Variants in KDM5B observed in about 807,000 individuals in gnomAD.
KDM5B encodes lysine-specific demethylase 5B.
In KDM5B, 144 loss-of-function variants were observed where a neutral mutation model predicts 193.4. The observed-to-expected ratio is 0.74, with a 90% CI of 0.65 to 0.86. KDM5B has a LOEUF of 0.86. Ranked by LOEUF, KDM5B falls within the 40% of genes least tolerant of loss-of-function variation. The pLI is 0.00. For synonymous variants in KDM5B, 668 were observed against 682.6 expected (o/e 0.98, Z 0.33); for missense variants, 1,833 against 1,886.9 (o/e 0.97, Z 0.53).
At chr1:202,789,916 C>T (rs1487092813) in intron 1 of KDM5B, among the ~76,000 whole-genome samples, 1 of 151,982 alleles carries the variant, frequency 6.6e-6, no homozygotes, top group Admixed American at 6.6e-5. Context: ...AAACACAAGA[C>T]CTCATCTCTA....
At chr1:202,794,343 G>C (rs912903667) in intron 1 of KDM5B, among the ~76,000 whole-genome samples, 6 of 152,212 alleles carry the variant, frequency 3.9e-5, no homozygotes, top group Non-Finnish European at 5.9e-5. Context: ...GATTAGAGTA[G>C]TATTAAAATG....
At chr1:202,799,657 C>A (rs1185905159) in intron 1 of KDM5B, among the ~76,000 whole-genome samples, 66 of 139,042 alleles carry the variant, frequency 4.7e-4, no homozygotes, top group Admixed American at 5.0e-4. Context: ...AACTCCATCT[C>A]AAAAAAAAAA....
chr1:202,743,703 ATC>A (rs1406643593), intron 16 of KDM5B, among the ~76,000 whole-genome samples: 1 of 152,234 alleles, frequency 6.6e-6, no homozygotes, highest in Non-Finnish European at 1.5e-5. Context: ...ACCTACAACT[ATC>A]TGATCTTCAA....
intron 20 of KDM5B, among the ~76,000 whole-genome samples, chr1:202,740,318 G>A (rs1461840461): frequency 3.8e-5 from 5 of 132,958 alleles, no homozygotes; most frequent in East Asian, 4.8e-4. Context: ...GGGCAGAGGC[G>A]CCCCTCACCT....
intron 1 of KDM5B, among the ~76,000 whole-genome samples, chr1:202,798,211 AG>A (rs1657927097): frequency 6.6e-6 from 1 of 152,014 alleles, no homozygotes; most frequent in South Asian, 2.1e-4. Context: ...AAAAAAATAA[AG>A]ATTCAGGGAC....
intron 1 of KDM5B, among the ~76,000 whole-genome samples, chr1:202,802,456 G>T (rs1193562412): frequency 1.3e-5 from 2 of 152,090 alleles, no homozygotes; most frequent in Non-Finnish European, 2.9e-5. Flanking sequence ...GCAATGGAGT[G>T]ATCTCGGCTC....
intron 5 of KDM5B, among the ~76,000 whole-genome samples, chr1:202,764,736 T>TG (rs561764827): frequency 2.2e-3 from 329 of 152,298 alleles, no homozygotes; most frequent in Admixed American, 3.5e-3. Context: ...CCCAGCATTT[T>TG]GGGGGGGCCA....
Position 202,801,624 on chromosome 1 carries a change from T to TTTATTTACAA in KDM5B, c.204+6477_204+6478insTTGTAAATAA, listed in dbSNP as rs1553364578. 1.7e-4 allele frequency among the ~76,000 whole-genome samples: 8 copies of TTTATTTACAA among 46,332 alleles called. No individual in the cohort carries two copies. In the East Asian group the frequency reaches 5.6e-3, roughly 33 times the overall value. The allele number at this position is 46,332 out of a possible 152,430, so 30.4% of individuals were successfully genotyped here. On this transcript the variant is annotated intron_variant, in intron 1 of 26. Coordinates refer to ENST00000367265, the MANE Select transcript of KDM5B (RefSeq NM_006618.5). ...GTGTACAATTTAATTTTTCATTTAA[T>TTTATTTACAA]TTTTATTTACAATTTTCATTTAATT...
intron 21 of KDM5B, 119 bp downstream of exon 21, chr1:202,736,094 G>T: frequency 1.4e-6 from 1 of 703,432 alleles, no homozygotes. Context: ...TGGCTTTACG[G>T]GAAGAACAAC....
At chr1:202,754,710 T>G (rs1655939612) in intron 11 of KDM5B, among the ~76,000 whole-genome samples, 1 of 152,208 alleles carries the variant, frequency 6.6e-6, no homozygotes. Flanking sequence ...TGAGGCAGAG[T>G]TTCGCTCTGT....
rs374839807 is a variant in KDM5B at position 202,729,842 on chromosome 1, C to T, written c.4362G>A (p.Glu1454=). ...CAGAACGAACTAATTCATAGCTACG[C>T]TCTCTCTCTAACTTGAAATTGTTCA... ...KDMNNFKLER[E]RSYELVRSAE... The change falls in exon 26 of 27, where the codon GAG becomes GAA. Residue 1454 remains glutamate, a synonymous_variant. Coordinates refer to ENST00000367265, the MANE Select transcript of KDM5B (RefSeq NM_006618.5). 79 of 1,614,002 alleles carry T rather than the reference C, an allele frequency of 4.9e-5. No homozygotes were observed. Among genetic ancestry groups the T allele is most frequent in the Middle Eastern group, 3.3e-4 (2 of 6,084 alleles).
intron 16 of KDM5B, among the ~76,000 whole-genome samples, chr1:202,743,313 G>C (rs1215779265): frequency 1.7e-5 from 2 of 114,314 alleles, no homozygotes; most frequent in Non-Finnish European, 3.3e-5. Context: ...CTCCAGTTGA[G>C]ATGACAGAGC....
Position 202,726,915 on chromosome 1 carries a change from C to G in KDM5B, c.*2121G>C, listed in dbSNP as rs753749296. ...TGTAGCTTTGGGCAACTGACATTCT[C>G]TTTAAATTCAGCATCATCACACATA... On this transcript the variant is annotated 3_prime_UTR_variant, in exon 27 of 27. Coordinates refer to ENST00000367265, the MANE Select transcript of KDM5B (RefSeq NM_006618.5). 3.3e-5 allele frequency: 5 copies of G among 152,218 alleles called. No homozygotes were observed. 9.4% of individuals were successfully genotyped at this position (152,218 alleles called of 1,614,324 possible).
intron 8 of KDM5B, among the ~76,000 whole-genome samples, chr1:202,759,834 C>A (rs912952064): frequency 6.6e-6 from 1 of 152,018 alleles, no homozygotes; most frequent in African/African-American, 2.4e-5. Context: ...TTTAATAATT[C>A]TTGCAAAGAG....
intron 1 of KDM5B, among the ~76,000 whole-genome samples, chr1:202,788,559 T>TGTATTG (rs71142560): frequency 0.05 from 7,627 of 151,280 alleles, 327 homozygotes; most frequent in African/African-American, 0.11. Context: ...TGATCTGTAT[T>TGTATTG]GTATTGGTAT....
At position 202,755,394 on chromosome 1, in the gene KDM5B, A is replaced by G; in HGVS notation, c.1415T>C (p.Leu472Pro). Residue 472 changes from leucine to proline, a missense_variant, in exon 11 of 27, where the codon CTT becomes CCT. Around this residue, in one of 3 missense-constraint regions of KDM5B, gnomAD observed 1,379 missense variants for 1,349.6 expected, o/e 1.02. Transcript: ENST00000367265. ...NNMPVMEQSV[L>P]AHITADICGM... ...ACATATATCAGCAGTAATATGTGCAAGGACAGACTGCTCCATCACTGGCAT... is the reference window on the plus strand; with the variant it reads ...ACATATATCAGCAGTAATATGTGCAGGGACAGACTGCTCCATCACTGGCAT... 1 of 1,614,036 alleles carries G rather than the reference A, an allele frequency of 6.2e-7. No homozygotes were observed.
At chr1:202,746,083 G>A (rs964731774) in intron 15 of KDM5B, 59 bp downstream of exon 15, 1 of 1,576,476 alleles carries the variant, frequency 6.3e-7, no homozygotes, top group Non-Finnish European at 8.7e-7. Flanking sequence ...CGGTATCATT[G>A]AGCTTTTAGT....
Position 202,724,564 on chromosome 1 carries a change from T to C in KDM5B, c.*4472A>G, listed in dbSNP as rs909148233. On this transcript the variant is annotated 3_prime_UTR_variant, in exon 27 of 27. Transcript: ENST00000367265. Reference sequence around the variant, plus strand: ...AGCTCACATCATAGATAATGCATTATGGCTATTATGAATGAAGGCCCTCAT... The same window carrying C: ...AGCTCACATCATAGATAATGCATTACGGCTATTATGAATGAAGGCCCTCAT... 1 of 152,268 alleles carries C rather than the reference T, an allele frequency of 6.6e-6. No homozygotes were observed. Among genetic ancestry groups the C allele is most frequent in the Non-Finnish European group, 1.5e-5 (1 of 68,042 alleles). 9.4% of individuals were successfully genotyped at this position (152,268 alleles called of 1,614,324 possible). A position where few individuals can be genotyped will look rare whatever the true frequency, so the allele number is the denominator to read the frequency against.
chr1:202,741,723 C>CT lies in KDM5B; in HGVS notation c.2590-2dup. Reference sequence around the variant, plus strand: ...AATCTTCTACACGATTCAAGAGATCCTAAAAAAAAATACACAGGTTGTTGC... The same window carrying CT: ...AATCTTCTACACGATTCAAGAGATCCTTAAAAAAAAATACACAGGTTGTTGC... On this transcript the variant is annotated splice_acceptor_variant, in intron 18 of 26. Transcript: ENST00000367265. LOFTEE classifies it high-confidence loss of function. 2 of 1,555,200 alleles carry CT rather than the reference C, an allele frequency of 1.3e-6. No homozygotes were observed. The highest frequency in any genetic ancestry group is 1.2e-5 in the South Asian group (1 of 86,442).
Sources: gnomAD v4.1 joint callset for allele counts (sites outside exome capture counted in the v4.1 genomes callset) on GRCh38, gnomAD v4.1.1 for gene constraint, gnomAD v4.1.1 regional missense constraint, MANE v1.5 for transcripts, NCBI Gene and HGNC (gene_info 2026-07-23, HGNC 2026-07-21) for gene names.